The following CPNE4 variants were observed in gnomAD, a reference collection of about 807,000 sequenced individuals.
CPNE4 encodes the protein copine-4.
A neutral mutation model predicts 67.9 loss-of-function variants in CPNE4; 25 were observed. The observed-to-expected ratio is 0.37, with a 90% CI of 0.27 to 0.51. The LOEUF (loss-of-function observed/expected upper bound fraction) is 0.51, where lower values mean the gene tolerates loss of function less well. Among genes scored for constraint, CPNE4 ranks in the 20% least tolerant of loss-of-function variants. The pLI, the probability that CPNE4 is intolerant of heterozygous loss-of-function variation, is 0.93. For synonymous variants in CPNE4, 242 were observed against 244.9 expected, an observed-to-expected ratio of 0.99 and a Z score of 0.11; for missense variants, 464 against 690.8, an observed-to-expected ratio of 0.67 and a Z score of 3.68.
chr3:131,952,378 T>A lies in CPNE4; in HGVS notation c.-1-46934A>T, dbSNP rs1477064565. On this transcript the variant is annotated intron_variant, in intron 1 of 15. Coordinates refer to ENST00000429747, the MANE Select transcript of CPNE4 (RefSeq NM_130808.3). ...GCCCCTCCGCCCGGCAGCCGCCCCG[T>A]CTGAGAAGTGAGGAGCCTCTCCGCC... is the stretch of plus-strand genomic sequence containing the variant. Among the ~76,000 whole-genome samples the A allele has an allele frequency of 2.7e-4, 40 of 148,038 alleles. 1 individual carries two copies. The highest frequency in any genetic ancestry group is 9.2e-4 in the African/African-American group (37 of 40,068).
chr3:132,034,425 A>G, intron 1 of CPNE4, 142 bp downstream of exon 1: 1 of 227,516 alleles, frequency 4.4e-6, no homozygotes, highest in Non-Finnish European at 7.3e-6. Flanking sequence ...GCTTTTTAAA[A>G]CAACAACAGC....
At chr3:131,998,175 A>C (rs1374600291) in intron 1 of CPNE4, among the ~76,000 whole-genome samples, 2 of 152,130 alleles carry the variant, frequency 1.3e-5, no homozygotes, top group African/African-American at 4.8e-5. Context: ...AAAGGCATAG[A>C]AATGCTAAAG....
At chr3:131,841,766 T>C (rs916891310) in intron 2 of CPNE4, among the ~76,000 whole-genome samples, 3 of 152,230 alleles carry the variant, frequency 2.0e-5, no homozygotes, top group African/African-American at 7.2e-5. Flanking sequence ...CTGTTGCAGC[T>C]GGGAGTGCAG....
chr3:131,817,410 C>G (rs577385611), intron 2 of CPNE4, among the ~76,000 whole-genome samples: 1 of 152,222 alleles, frequency 6.6e-6, no homozygotes, highest in East Asian at 1.9e-4. Flanking sequence ...ATTCAAGAAA[C>G]AGCAAGGAAG....
chr3:131,862,067 A>AT (rs200289975), intron 2 of CPNE4, among the ~76,000 whole-genome samples: 74 of 151,792 alleles, frequency 4.9e-4, no homozygotes, highest in African/African-American at 1.3e-3. Context: ...TTTCTTTGCA[A>AT]TTTTTTTTTA....
chr3:131,693,820 GA>G (rs1278746382), intron 5 of CPNE4, among the ~76,000 whole-genome samples: 1 of 151,980 alleles, frequency 6.6e-6, no homozygotes, highest in Non-Finnish European at 1.5e-5. Context: ...TCCATATTCT[GA>G]GACCAAACCA....
At chr3:131,909,916 G>A (rs1165510863) in intron 1 of CPNE4, among the ~76,000 whole-genome samples, 1 of 152,026 alleles carries the variant, frequency 6.6e-6, no homozygotes, top group Non-Finnish European at 1.5e-5. Flanking sequence ...TTAAATCATG[G>A]AATAAATGAT....
At chr3:131,655,440 T>C (rs1003474057) in intron 7 of CPNE4, among the ~76,000 whole-genome samples, 1 of 152,174 alleles carries the variant, frequency 6.6e-6, no homozygotes, top group Non-Finnish European at 1.5e-5. Context: ...GCAGGGGTGA[T>C]TGCATGGTAA....
At chr3:131,948,528 G>T (rs535150797) in intron 1 of CPNE4, among the ~76,000 whole-genome samples, 23 of 152,262 alleles carry the variant, frequency 1.5e-4, no homozygotes, top group African/African-American at 5.5e-4. Flanking sequence ...AGATGTTATT[G>T]TAAGTGAAAT....
At chr3:131,846,620 T>C (rs1282739771) in intron 2 of CPNE4, among the ~76,000 whole-genome samples, 1 of 152,188 alleles carries the variant, frequency 6.6e-6, no homozygotes, top group Non-Finnish European at 1.5e-5. Flanking sequence ...AGACAGAATT[T>C]ATTAGAAATA....
chr3:131,851,558 G>A (rs775930726), intron 2 of CPNE4, among the ~76,000 whole-genome samples: 2 of 152,022 alleles, frequency 1.3e-5, no homozygotes, highest in East Asian at 3.9e-4. Flanking sequence ...TATACAGACC[G>A]GTGTAACAAA....
intron 1 of CPNE4, among the ~76,000 whole-genome samples, chr3:132,004,950 T>C (rs1202975335): frequency 6.6e-6 from 1 of 152,062 alleles, no homozygotes; most frequent in Non-Finnish European, 1.5e-5. Context: ...CTTACATCCA[T>C]TTTTCTCTCC....
chr3:131,690,430 G>C (rs993705725), intron 5 of CPNE4, among the ~76,000 whole-genome samples: 2 of 152,050 alleles, frequency 1.3e-5, no homozygotes, highest in African/African-American at 4.8e-5. Flanking sequence ...ACAAAAATAA[G>C]AAATGAAGAA....
intron 2 of CPNE4, among the ~76,000 whole-genome samples, chr3:131,737,272 C>T (rs952054378): frequency 6.6e-6 from 1 of 151,754 alleles, no homozygotes; most frequent in African/African-American, 2.4e-5. Flanking sequence ...TACAGGCACT[C>T]GCTACCACAC....
intron 11 of CPNE4, among the ~76,000 whole-genome samples, chr3:131,557,585 A>G (rs1936528667): frequency 6.6e-6 from 1 of 152,040 alleles, no homozygotes; most frequent in South Asian, 2.1e-4. Flanking sequence ...GAAAATCACC[A>G]ACTCCCACTT....
upstream of CPNE4, among the ~76,000 whole-genome samples, chr3:132,039,299 C>T (rs2074378168): frequency 6.6e-6 from 1 of 152,168 alleles, no homozygotes; most frequent in Admixed American, 6.5e-5. Context: ...CTGAAGGTTA[C>T]AGTAAGTCAG....
At chr3:131,572,856 C>CTCT (rs1264026247) in intron 10 of CPNE4, among the ~76,000 whole-genome samples, 1 of 152,070 alleles carries the variant, frequency 6.6e-6, no homozygotes, top group Non-Finnish European at 1.5e-5. Flanking sequence ...AAACCTTCCT[C>CTCT]TCTTCACTTC....
At chr3:131,831,387 T>A (rs2085363380) in intron 2 of CPNE4, among the ~76,000 whole-genome samples, 1 of 152,176 alleles carries the variant, frequency 6.6e-6, no homozygotes, top group South Asian at 2.1e-4. Flanking sequence ...GTTTTTTCTT[T>A]AAATTGACAC....
intron 2 of CPNE4, among the ~76,000 whole-genome samples, chr3:131,751,860 A>G (rs970130840): frequency 3.3e-5 from 5 of 151,574 alleles, no homozygotes; most frequent in Admixed American, 1.3e-4. Flanking sequence ...GTGAAGATAG[A>G]AGTCCAAATT....
Sources: gnomAD v4.1 joint callset for allele counts (sites outside exome capture counted in the v4.1 genomes callset) on GRCh38, gnomAD v4.1.1 for gene constraint, MANE v1.5 for transcripts, NCBI Gene and HGNC (gene_info 2026-07-23, HGNC 2026-07-21) for gene names.